Variants in RIN2 observed in about 807,000 individuals in gnomAD.
RIN2 encodes the protein RAB5 interacting protein 2.
RIN2 carries 36 observed loss-of-function variants against 78.0 expected under a neutral mutation model. The ratio of observed to expected loss-of-function variants is 0.46; its 90% CI spans 0.35 to 0.61. RIN2 has a LOEUF of 0.61. Among genes scored for constraint, RIN2 ranks in the 20% least tolerant of loss-of-function variants. The pLI, the probability that RIN2 is intolerant of heterozygous loss-of-function variation, is 0.00. For missense variants in RIN2, 1,087 were observed against 1,159.7 expected (o/e 0.94, Z 0.91); for synonymous variants, 466 against 466.8 (o/e 1.00, Z 0.02).
At chr20:19,927,664 C>T (rs1232526424) in intron 3 of RIN2, among the ~76,000 whole-genome samples, 1 of 152,052 alleles carries the variant, frequency 6.6e-6, no homozygotes, top group Non-Finnish European at 1.5e-5. Flanking sequence ...ATCTGCCCAC[C>T]TTGGCCTCCA....
intron 2 of RIN2, among the ~76,000 whole-genome samples, chr20:19,824,283 T>C (rs545221871): frequency 7.9e-5 from 12 of 152,322 alleles, no homozygotes; most frequent in Admixed American, 2.6e-4. Context: ...GAACATGAGA[T>C]AATTTTAGAT....
chr20:19,892,039 G>A (rs909458365), intron 3 of RIN2, among the ~76,000 whole-genome samples: 1 of 152,146 alleles, frequency 6.6e-6, no homozygotes, highest in Admixed American at 6.5e-5. Context: ...TATGCTATAG[G>A]AAAGAACCAA....
intron 3 of RIN2, among the ~76,000 whole-genome samples, chr20:19,930,835 T>C (rs1319258934): frequency 6.6e-6 from 1 of 152,254 alleles, no homozygotes; most frequent in Non-Finnish European, 1.5e-5. Context: ...CCCTTTCTTT[T>C]TCTTGTTTTC....
chr20:19,907,371 G>C (rs1052302163), intron 3 of RIN2, among the ~76,000 whole-genome samples: 1 of 152,216 alleles, frequency 6.6e-6, no homozygotes, highest in Admixed American at 6.5e-5. Flanking sequence ...GGGTCTTGTG[G>C]AGGGGAGAGG....
intron 2 of RIN2, among the ~76,000 whole-genome samples, chr20:19,858,152 T>A (rs867243866): frequency 1.3e-5 from 2 of 152,080 alleles, no homozygotes; most frequent in Non-Finnish European, 2.9e-5. Flanking sequence ...ATGGCTTGAG[T>A]TTTTTATGTC....
At chr20:19,836,152 G>C (rs2123042600) in intron 2 of RIN2, among the ~76,000 whole-genome samples, 1 of 152,286 alleles carries the variant, frequency 6.6e-6, no homozygotes, top group Admixed American at 6.5e-5. Context: ...GTATCATCTG[G>C]TGACATCAGA....
intron 1 of RIN2, among the ~76,000 whole-genome samples, chr20:19,785,501 G>C (rs1489588549): frequency 1.3e-5 from 2 of 152,186 alleles, no homozygotes; most frequent in Non-Finnish European, 2.9e-5. Context: ...TGTGCTGCCA[G>C]GCAGGACATC....
In RIN2 at chr20:19,824,395, G is replaced by A. The variant is rs375355264; in HGVS notation, c.-37+24648G>A. On this transcript the variant is annotated intron_variant, in intron 2 of 12. Transcript: ENST00000255006. ...TTCATCATCCTTATTATTATTTAAG[G>A]TGTTAGGTATATTTGTTTTTAAATA... Among the ~76,000 whole-genome samples the A allele has an allele frequency of 3.3e-5, 5 of 152,268 alleles. No individual in the cohort carries two copies. The East Asian group carries it at 9.6e-4, about 29-fold the overall frequency.
At chr20:19,920,613 C>T (rs1045867184) in intron 3 of RIN2, among the ~76,000 whole-genome samples, 2 of 152,226 alleles carry the variant, frequency 1.3e-5, no homozygotes, top group African/African-American at 2.4e-5. Context: ...GAGCATGCGC[C>T]AAATTGAAGG....
chr20:19,787,333 G>T (rs1426628828), intron 1 of RIN2, among the ~76,000 whole-genome samples: 6 of 148,406 alleles, frequency 4.0e-5, no homozygotes, highest in African/African-American at 1.5e-4. Context: ...TGAGGCAGGA[G>T]AATTGCTTGA....
intron 1 of RIN2, among the ~76,000 whole-genome samples, chr20:19,758,927 C>T (rs1005875140): frequency 6.6e-6 from 1 of 152,188 alleles, no homozygotes. Flanking sequence ...TGTGTCCGGG[C>T]AGGGGGCACT....
rs527313226 is a variant in RIN2, at chr20:19,852,973, T to G, written c.-36-36593T>G. On this transcript the variant is annotated intron_variant, in intron 2 of 12. Coordinates refer to ENST00000255006, the MANE Select transcript of RIN2 (RefSeq NM_018993.4). ...TATGTATACATGTGCCATGTTGGTG[T>G]GCTGCACCCATTAACTCGTCATTTA... Among the ~76,000 whole-genome samples the G allele has an allele frequency of 1.6e-4, 24 of 151,878 alleles. No homozygotes were observed. The South Asian group carries it at 2.3e-3, about 15-fold the overall frequency.
chr20:19,762,548 C>G (rs902657388), intron 1 of RIN2, among the ~76,000 whole-genome samples: 1 of 151,986 alleles, frequency 6.6e-6, no homozygotes, highest in African/African-American at 2.4e-5. Flanking sequence ...GGTGGTGTCA[C>G]AGAAGTCAAG....
chr20:19,893,884 C>A (rs1293074153), intron 3 of RIN2, among the ~76,000 whole-genome samples: 1 of 152,084 alleles, frequency 6.6e-6, no homozygotes, highest in East Asian at 1.9e-4. Flanking sequence ...ACCAGCCTGG[C>A]CAACATGGTG....
chr20:19,990,456 T>G (rs111384650), intron 10 of RIN2, 145 bp downstream of exon 10: 7 of 732,350 alleles, frequency 9.6e-6, no homozygotes, highest in African/African-American at 8.9e-5. Flanking sequence ...TACAAGTGAT[T>G]CTCTGATATC....
chr20:19,832,244 C>T lies in RIN2; in HGVS notation c.-37+32497C>T, dbSNP rs1054271769. 2.7e-5 allele frequency among the ~76,000 whole-genome samples: 4 copies of T among 149,974 alleles called. No individual in the cohort carries two copies. In the South Asian group the frequency reaches 6.5e-4, roughly 24 times the overall value. On this transcript the variant is annotated intron_variant, in intron 2 of 12. Transcript: ENST00000255006. ...GACGCAGGCGGCCTCTGATAGTCAT[C>T]GCTGGCTCTGTGACTCCCAGATGGC... is the stretch of plus-strand genomic sequence containing the variant.
At chr20:19,813,551 C>T (rs6112588) in intron 2 of RIN2, among the ~76,000 whole-genome samples, 42,850 of 151,952 alleles carry the variant, frequency 0.28, 6,167 homozygotes, top group South Asian at 0.39. Context: ...CAAATGAATA[C>T]GTAATACATG....
At chr20:19,808,956 C>A (rs1055794545) in intron 2 of RIN2, among the ~76,000 whole-genome samples, 1 of 152,180 alleles carries the variant, frequency 6.6e-6, no homozygotes, top group Non-Finnish European at 1.5e-5. Context: ...AAGGCCAGAG[C>A]CAGGATGCAG....
intron 2 of RIN2, among the ~76,000 whole-genome samples, chr20:19,833,575 A>G (rs1223215059): frequency 6.6e-6 from 1 of 152,240 alleles, no homozygotes; most frequent in African/African-American, 2.4e-5. Flanking sequence ...CAAGAATGCC[A>G]AGAATATTTT....
Sources: gnomAD v4.1 joint callset for allele counts (sites outside exome capture counted in the v4.1 genomes callset) on GRCh38, gnomAD v4.1.1 for gene constraint, MANE v1.5 for transcripts, NCBI Gene and HGNC (gene_info 2026-07-23, HGNC 2026-07-21) for gene names.